Variants in DOCK1 observed in about 807,000 individuals in gnomAD.
DOCK1 encodes dedicator of cytokinesis 1.
In DOCK1, 138 loss-of-function variants were observed where a neutral mutation model predicts 262.7. That is an observed-to-expected ratio of 0.53 (90% CI 0.46 to 0.61). DOCK1 has a LOEUF of 0.61. Among genes scored for constraint, DOCK1 ranks in the 20% least tolerant of loss-of-function variants. The pLI is 0.00. For missense variants in DOCK1, 1,908 were observed against 2,370.7 expected, an observed-to-expected ratio of 0.80 and a Z score of 4.05; for synonymous variants, 866 against 867.4, an observed-to-expected ratio of 1.00 and a Z score of 0.03.
rs78950753 is a variant in DOCK1 at position 127,078,404 on chromosome 10, G to T, written c.2445+16628G>T. Among the ~76,000 whole-genome samples the T allele has an allele frequency of 9.1e-3, 1,383 of 152,224 alleles. 24 individuals are homozygous for T. The highest frequency in any genetic ancestry group is 0.032 in the African/African-American group (1,323 of 41,530). On this transcript the variant is annotated intron_variant, in intron 23 of 51. Transcript: ENST00000623213. The stretch of plus-strand genomic sequence containing the variant: ...GGGCAACCTTGCATCCCAGGAAGCC[G>T]CCTGGGAGATTCTAGGGCTGGTACC...
At chr10:127,355,392 C>A (rs1269644230) in intron 32 of DOCK1, among the ~76,000 whole-genome samples, 1 of 152,064 alleles carries the variant, frequency 6.6e-6, no homozygotes, top group Non-Finnish European at 1.5e-5. Context: ...TTTACACTAC[C>A]CTCTAGGAAT....
At chr10:126,942,705 A>C (rs1165094774) in intron 1 of DOCK1, among the ~76,000 whole-genome samples, 2 of 152,274 alleles carry the variant, frequency 1.3e-5, no homozygotes, top group African/African-American at 4.8e-5. Context: ...AATACACTCA[A>C]TGTTACACAA....
chr10:127,334,338 TTAG>T (rs2063107999), intron 29 of DOCK1, among the ~76,000 whole-genome samples: 1 of 152,226 alleles, frequency 6.6e-6, no homozygotes, highest in Admixed American at 6.5e-5. Context: ...CTGTCAAGAA[TTAG>T]TAGTTTTTGT....
At chr10:127,120,603 C>G (rs963298439) in intron 25 of DOCK1, among the ~76,000 whole-genome samples, 6 of 152,142 alleles carry the variant, frequency 3.9e-5, no homozygotes, top group African/African-American at 1.4e-4. Context: ...TCACCAGACA[C>G]TTGATCTTTA....
chr10:127,053,728 G>A (rs1450361814), intron 22 of DOCK1, among the ~76,000 whole-genome samples: 5 of 152,208 alleles, frequency 3.3e-5, no homozygotes. Context: ...TTTATAGAGA[G>A]CCTTAATATT....
intron 23 of DOCK1, among the ~76,000 whole-genome samples, chr10:127,077,726 T>C (rs145954196): frequency 8.0e-4 from 122 of 152,280 alleles, no homozygotes; most frequent in Non-Finnish European, 9.9e-4. Context: ...TGACAGATTG[T>C]GTGGTACATC....
chr10:127,235,248 A>G (rs547237370), intron 27 of DOCK1, among the ~76,000 whole-genome samples: 2 of 152,172 alleles, frequency 1.3e-5, no homozygotes, highest in South Asian at 4.1e-4. Flanking sequence ...ACAGTTGTGT[A>G]GCCACTACCA....
intron 27 of DOCK1, among the ~76,000 whole-genome samples, chr10:127,171,078 T>G (rs1399376690): frequency 6.6e-6 from 1 of 152,242 alleles, no homozygotes; most frequent in East Asian, 1.9e-4. Context: ...TTGTAGATAC[T>G]GTATTTCAGT....
intron 23 of DOCK1, among the ~76,000 whole-genome samples, chr10:127,065,808 C>T (rs1420827220): frequency 4.0e-5 from 6 of 151,866 alleles, no homozygotes; most frequent in Admixed American, 2.6e-4. Flanking sequence ...GAGCCGAGAT[C>T]GCGCCATTGC....
chr10:127,090,687 A>C (rs1011568590), intron 23 of DOCK1, among the ~76,000 whole-genome samples: 1 of 152,072 alleles, frequency 6.6e-6, no homozygotes, highest in Admixed American at 6.6e-5. Flanking sequence ...GGCAACCACG[A>C]ATTTGTTTTC....
chr10:126,963,878 A>G (rs956774022), intron 1 of DOCK1, among the ~76,000 whole-genome samples: 1 of 152,076 alleles, frequency 6.6e-6, no homozygotes, highest in African/African-American at 2.4e-5. Flanking sequence ...AGCCTAAGGC[A>G]TTTGCCCCCA....
At chr10:127,324,962 A>G (rs976373004) in intron 29 of DOCK1, among the ~76,000 whole-genome samples, 2 of 152,192 alleles carry the variant, frequency 1.3e-5, no homozygotes, top group Non-Finnish European at 2.9e-5. Flanking sequence ...CCACTAGAAC[A>G]CAGGGTCCAG....
Position 127,013,019 on chromosome 10 carries a change from C to T in DOCK1, c.1201+645C>T, listed in dbSNP as rs796137294. On this transcript the variant is annotated intron_variant, in intron 12 of 51. Coordinates refer to ENST00000623213, the MANE Select transcript of DOCK1 (RefSeq NM_001290223.2). ...CTGATCCATGCAGACTGCCCGTAAA[C>T]GCGGTAGAGCTTAGGTGAACAGACC... Among the ~76,000 whole-genome samples, 38 of 152,316 alleles carry T rather than the reference C, an allele frequency of 2.5e-4. 2 individuals are homozygous for T. Among genetic ancestry groups the T allele is most frequent in the African/African-American group, 8.7e-4 (36 of 41,576 alleles).
At chr10:127,186,387 C>A (rs1173313286) in intron 27 of DOCK1, among the ~76,000 whole-genome samples, 1 of 152,016 alleles carries the variant, frequency 6.6e-6, no homozygotes, top group Non-Finnish European at 1.5e-5. Flanking sequence ...AGACACTAGA[C>A]ATGGTGGTGC....
At chr10:127,202,141 G>A (rs980002204) in intron 27 of DOCK1, among the ~76,000 whole-genome samples, 2 of 152,148 alleles carry the variant, frequency 1.3e-5, no homozygotes, top group Admixed American at 1.3e-4. Flanking sequence ...TGGCCACTAT[G>A]GTGAAAGCTT....
chr10:127,319,821 A>C (rs1483752316), intron 29 of DOCK1, among the ~76,000 whole-genome samples: 2 of 152,314 alleles, frequency 1.3e-5, no homozygotes, highest in East Asian at 3.9e-4. Flanking sequence ...GCTCTGCTAC[A>C]GACAGACTTT....
intron 29 of DOCK1, among the ~76,000 whole-genome samples, chr10:127,273,533 T>C (rs773997931): frequency 3.9e-5 from 6 of 152,206 alleles, no homozygotes; most frequent in Middle Eastern, 3.2e-3. Context: ...TTTAAGTAAA[T>C]GGCCATCTCA....
At chr10:127,099,314 T>C (rs2136168466) in intron 23 of DOCK1, among the ~76,000 whole-genome samples, 1 of 152,316 alleles carries the variant, frequency 6.6e-6, no homozygotes, top group Admixed American at 6.5e-5. Flanking sequence ...TCCTTACCTG[T>C]GAGGAGCTTA....
intron 29 of DOCK1, among the ~76,000 whole-genome samples, chr10:127,261,543 GT>G (rs2060118284): frequency 7.1e-6 from 1 of 141,058 alleles, no homozygotes; most frequent in Admixed American, 7.0e-5. Context: ...ATGTGGGTGT[GT>G]GTGTACCCGT....
Sources: allele counts gnomAD v4.1 joint callset (sites outside exome capture counted in the v4.1 genomes callset), GRCh38; gene constraint gnomAD v4.1.1; transcripts MANE v1.5; gene names NCBI Gene and HGNC (gene_info 2026-07-23, HGNC 2026-07-21).